The following CLOCK variants were observed in gnomAD, a reference collection of about 807,000 sequenced individuals.
CLOCK encodes clock circadian regulator, also known as circadian locomoter output cycles protein kaput.
A neutral mutation model predicts 118.4 loss-of-function variants in CLOCK; 43 were observed. That is an observed-to-expected ratio of 0.36 (90% CI 0.28 to 0.47). The LOEUF (loss-of-function observed/expected upper bound fraction) is 0.47, where lower values mean the gene tolerates loss of function less well. Ranked by LOEUF, CLOCK falls within the 20% of genes least tolerant of loss-of-function variation. CLOCK has a pLI of 1.00. For missense variants in CLOCK, 846 were observed against 999.9 expected, an observed-to-expected ratio of 0.85 and a Z score of 2.08; for synonymous variants, 326 against 339.2, an observed-to-expected ratio of 0.96 and a Z score of 0.43.
At chr4:55,506,639 C>CA (rs1305634689) in intron 2 of CLOCK, among the ~76,000 whole-genome samples, 2 of 151,938 alleles carry the variant, frequency 1.3e-5, no homozygotes, top group East Asian at 1.9e-4. Flanking sequence ...CGGCTCACTG[C>CA]AACCTCTGCC....
At chr4:55,488,580 T>C (rs1376113122) in intron 3 of CLOCK, among the ~76,000 whole-genome samples, 1 of 152,232 alleles carries the variant, frequency 6.6e-6, no homozygotes, top group East Asian at 1.9e-4. Flanking sequence ...AAACATTTCA[T>C]TGTCTTTCTT....
intron 8 of CLOCK, among the ~76,000 whole-genome samples, chr4:55,464,314 A>G (rs1283415897): frequency 6.6e-6 from 1 of 152,184 alleles, no homozygotes; most frequent in Admixed American, 6.5e-5. Context: ...TCCCCCCTCA[A>G]AAGGACAACT....
At chr4:55,489,655 CACTT>C (rs1220277730) in intron 2 of CLOCK, among the ~76,000 whole-genome samples, 190 bp from the exon 3 acceptor site, 1 of 151,890 alleles carries the variant, frequency 6.6e-6, no homozygotes, top group Non-Finnish European at 1.5e-5. Context: ...CTAAAACAAT[CACTT>C]AATTCTGGTA....
chr4:55,535,937 G>T (rs1351396209), intron 1 of CLOCK, among the ~76,000 whole-genome samples: 1 of 151,876 alleles, frequency 6.6e-6, no homozygotes, highest in African/African-American at 2.4e-5. Flanking sequence ...GAAAATTGAG[G>T]CCTGACCTGT....
chr4:55,518,636 C>A (rs1280348100), intron 1 of CLOCK, among the ~76,000 whole-genome samples: 2 of 152,096 alleles, frequency 1.3e-5, no homozygotes, highest in Admixed American at 6.5e-5. Context: ...GAGATCAGTG[C>A]CCTTATAAAA....
rs35414558 is a variant in CLOCK at position 55,504,283 on chromosome 4, C to CAAAAAAA, written c.-136+5622_-136+5628dup. Among the ~76,000 whole-genome samples, 163 of 51,888 alleles carry CAAAAAAA rather than the reference C, an allele frequency of 3.1e-3. 3 individuals carry two copies. The highest frequency in any genetic ancestry group is 6.1e-3 in the East Asian group (10 of 1,650). The allele number at this position is 51,888 out of a possible 152,430, so 34.0% of individuals were successfully genotyped here. A position where few individuals can be genotyped will look rare whatever the true frequency, so the allele number is the denominator to read the frequency against. On this transcript the variant is annotated intron_variant, in intron 2 of 22. Transcript: ENST00000513440. ...CCTGGGCGACACAGCGAGACTCCAT[C>CAAAAAAA]AAAAAAAAAAAAAAAAAAAAAAAAC...
chr4:55,491,975 C>T (rs749508050), intron 2 of CLOCK, among the ~76,000 whole-genome samples: 3 of 152,148 alleles, frequency 2.0e-5, no homozygotes, highest in Non-Finnish European at 4.4e-5. Flanking sequence ...CTACCAAACA[C>T]TGAAAGAATT....
At chr4:55,545,806 T>C (rs1731578696) in intron 1 of CLOCK, 2 of 152,280 alleles carry the variant, frequency 1.3e-5, no homozygotes, top group Admixed American at 6.5e-5. Context: ...CCAGCTTCAC[T>C]GGCGGAAAGA....
intron 1 of CLOCK, among the ~76,000 whole-genome samples, chr4:55,533,660 T>C (rs1160330374): frequency 1.3e-5 from 2 of 151,942 alleles, no homozygotes; most frequent in African/African-American, 4.8e-5. Context: ...CTCAGCACTT[T>C]GGGAGGCCAA....
intron 22 of CLOCK, among the ~76,000 whole-genome samples, chr4:55,436,762 A>G (rs1163638207): frequency 6.6e-6 from 1 of 152,184 alleles, no homozygotes; most frequent in Non-Finnish European, 1.5e-5. Flanking sequence ...TTACAACAGG[A>G]GCATGTTTTA....
intron 3 of CLOCK, chr4:55,486,640 T>A: frequency 6.6e-6 from 1 of 152,180 alleles, no homozygotes; most frequent in Non-Finnish European, 1.5e-5. Context: ...TTTAGTTGGA[T>A]ACTGAATACC....
Position 55,450,231 on chromosome 4 carries a change from C to T in CLOCK, c.1208G>A (p.Ser403Asn), listed in dbSNP as rs766811039. Reference protein sequence around the residue: ...ESLPETAADKSQDSGSDNRIN... With the variant: ...ESLPETAADKNQDSGSDNRIN... Reference sequence around the variant, plus strand: ...ACGATTATCTGACCCAGAATCTTGGCTCTATGGAGACAGAGTAAAATAAAT... The same window carrying T: ...ACGATTATCTGACCCAGAATCTTGGTTCTATGGAGACAGAGTAAAATAAAT... Residue 403 changes from serine to asparagine, a missense_variant and splice_region_variant, in exon 16 of 23, where the codon AGC becomes AAC. By Grantham distance (46) the Ser-to-Asn change is conservative. This residue lies in a region of CLOCK where 520 missense variants were observed against 558.0 expected (regional missense o/e 0.93). Transcript: ENST00000513440. The T allele has an allele frequency of 6.2e-7, 1 of 1,613,800 alleles. No individual in the cohort carries two copies. Among genetic ancestry groups the T allele is most frequent in the Non-Finnish European group, 8.5e-7 (1 of 1,179,918 alleles).
At chr4:55,520,687 T>C (rs759399409) in intron 1 of CLOCK, among the ~76,000 whole-genome samples, 2 of 152,328 alleles carry the variant, frequency 1.3e-5, no homozygotes, top group African/African-American at 2.4e-5. Context: ...GTTAAACTCA[T>C]ACAAGCTACA....
At position 55,475,966 on chromosome 4, in the gene CLOCK, T is replaced by C. The variant is rs373320488; in HGVS notation, c.345A>G (p.Leu115=). 41 of 1,605,622 alleles carry C rather than the reference T, an allele frequency of 2.6e-5. No individual in the cohort carries two copies. The highest frequency in any genetic ancestry group is 3.4e-5 in the Non-Finnish European group (40 of 1,172,842). ...CAAAAATTAAATCTGGACATACCTCTAACATTAATTGTGTAAACTCTTCAT... is the reference window on the plus strand; with the variant it reads ...CAAAAATTAAATCTGGACATACCTCCAACATTAATTGTGTAAACTCTTCAT... ...LSNEEFTQLM[L]EALDGFFLAI... Residue 115 remains leucine, a synonymous_variant, in exon 7 of 23, where the codon TTA becomes TTG. Coordinates refer to ENST00000513440, the MANE Select transcript of CLOCK (RefSeq NM_004898.4).
chr4:55,493,234 T>C (rs1727844237), intron 2 of CLOCK, among the ~76,000 whole-genome samples: 1 of 152,172 alleles, frequency 6.6e-6, no homozygotes, highest in Admixed American at 6.5e-5. Context: ...TTTCATCTAG[T>C]TAATAATTTT....
At chr4:55,512,502 T>C (rs1238725720) in intron 1 of CLOCK, among the ~76,000 whole-genome samples, 1 of 152,212 alleles carries the variant, frequency 6.6e-6, no homozygotes, top group Non-Finnish European at 1.5e-5. Context: ...AATATGTCTT[T>C]TGCAAATATC....
intron 3 of CLOCK, 35 bp downstream of exon 3, chr4:55,489,339 T>C (rs1055248552): frequency 1.3e-5 from 2 of 152,322 alleles, no homozygotes; most frequent in East Asian, 1.9e-4. Flanking sequence ...AAAAATATCA[T>C]TTTACGATGC....
intron 1 of CLOCK, among the ~76,000 whole-genome samples, chr4:55,539,543 A>G (rs1731117604): frequency 8.0e-6 from 1 of 125,776 alleles, no homozygotes; most frequent in African/African-American, 3.0e-5. Context: ...ACTACACTCC[A>G]GCCTGGGTGC....
At chr4:55,490,514 C>T (rs992507181) in intron 2 of CLOCK, among the ~76,000 whole-genome samples, 7 of 152,042 alleles carry the variant, frequency 4.6e-5, no homozygotes, top group Admixed American at 3.9e-4. Context: ...GTACAGTCAT[C>T]CTTTGTTATC....
Sources: allele counts gnomAD v4.1 joint callset (sites outside exome capture counted in the v4.1 genomes callset), GRCh38; gene constraint gnomAD v4.1.1; regional missense constraint gnomAD v4.1.1; transcripts MANE v1.5; gene names NCBI Gene and HGNC (gene_info 2026-07-23, HGNC 2026-07-21).